The following FAHD1 variants were observed in gnomAD, a reference collection of about 807,000 sequenced individuals.
The protein encoded by FAHD1 is oxaloacetate tautomerase FAHD1, mitochondrial.
Under a neutral mutation model 12.7 loss-of-function variants are expected in FAHD1, and 14 were observed. The observed-to-expected ratio is 1.10, with a 90% CI of 0.73 to 1.72. FAHD1 has a LOEUF of 1.72. Ranked by LOEUF, FAHD1 falls within the 40% of genes most tolerant of loss-of-function variation. The pLI is 0.00. For missense variants in FAHD1, 351 were observed against 298.9 expected (o/e 1.17, Z -1.29); for synonymous variants, 153 against 124.9 (o/e 1.22, Z -1.50).
At chr16:1,836,703 G>C (rs1898757924) in intron 1 of FAHD1, among the ~76,000 whole-genome samples, 1 of 147,726 alleles carries the variant, frequency 6.8e-6, no homozygotes, top group Middle Eastern at 3.3e-3. Context: ...AGATGGAGGA[G>C]ATGCAGCATT....
chr16:1,827,781 A>C (rs1400876064), exon 1 of FAHD1: 4 of 1,614,026 alleles, frequency 2.5e-6, no homozygotes, highest in Non-Finnish European at 3.4e-6. Flanking sequence ...CCTTGGAAGA[A>C]GGAGATATTA....
chr16:1,839,671 T>G, exon 3 of FAHD1: 9 of 434,424 alleles, frequency 2.1e-5, no homozygotes, highest in Non-Finnish European at 3.3e-5. Context: ...CCTGCCCTCC[T>G]TCCCTCCCTC....
At chr16:1,834,372 AG>A in intron 1 of FAHD1, 1 of 1,473,678 alleles carries the variant, frequency 6.8e-7, no homozygotes, top group Non-Finnish European at 9.4e-7. Flanking sequence ...ACGAACTGCG[AG>A]GAGAAACAGA....
chr16:1,831,115 G>C (rs150171608), downstream of FAHD1, among the ~76,000 whole-genome samples: 559 of 152,256 alleles, frequency 3.7e-3, 7 homozygotes, highest in African/African-American at 0.013. Context: ...TTTGACATCT[G>C]TTCTTCTGTT....
chr16:1,829,474 G>C (rs1898584591), downstream of FAHD1, among the ~76,000 whole-genome samples: 1 of 152,108 alleles, frequency 6.6e-6, no homozygotes, highest in Non-Finnish European at 1.5e-5. Context: ...ATGTAACCCA[G>C]CTCCCCCAAG....
downstream of FAHD1, among the ~76,000 whole-genome samples, chr16:1,833,142 G>A (rs544923428): frequency 2.6e-5 from 4 of 152,226 alleles, no homozygotes; most frequent in South Asian, 4.1e-4. Flanking sequence ...TGGAGTCTGC[G>A]CCCTGAAGCA....
At chr16:1,838,016 A>G (rs1185014169) in exon 2 of FAHD1, 1 of 1,416,418 alleles carries the variant, frequency 7.1e-7, no homozygotes, top group East Asian at 2.5e-5. Context: ...TTGTTTGTAG[A>G]GACAGGGTCT....
chr16:1,834,074 G>A, intron 1 of FAHD1: 1 of 486,568 alleles, frequency 2.1e-6, no homozygotes, highest in Non-Finnish European at 3.6e-6. Context: ...CTTCTAAGAA[G>A]GGAGGTCAGA....
chr16:1,830,914 CT>C (rs1567269120), downstream of FAHD1, among the ~76,000 whole-genome samples: 29 of 48,194 alleles, frequency 6.0e-4, no homozygotes, highest in African/African-American at 9.5e-4. Flanking sequence ...CTCTCTCTCT[CT>C]ATACACACAC....
At chr16:1,827,929 G>A (rs1383894381) in exon 1 of FAHD1, 2 of 1,603,838 alleles carry the variant, frequency 1.2e-6, no homozygotes, top group Admixed American at 1.7e-5. Flanking sequence ...AGTTTCGAGA[G>A]AGAAGGGAGC....
downstream of FAHD1, among the ~76,000 whole-genome samples, chr16:1,833,546 T>C (rs1025169267): frequency 3.4e-5 from 5 of 149,184 alleles, no homozygotes; most frequent in African/African-American, 1.2e-4. Flanking sequence ...AAGTAGTCTT[T>C]AGAGGTACTT....
intron 1 of FAHD1, chr16:1,837,778 A>C: frequency 7.0e-7 from 1 of 1,421,362 alleles, no homozygotes; most frequent in Non-Finnish European, 9.6e-7. Context: ...TATAAAATGC[A>C]CTAACTTTTA....
intron 2 of FAHD1, among the ~76,000 whole-genome samples, chr16:1,838,367 C>T (rs541613410): frequency 1.3e-5 from 2 of 152,182 alleles, no homozygotes; most frequent in South Asian, 4.1e-4. Context: ...CAAAGGTAAT[C>T]AGGTATCTCA....
At chr16:1,833,563 T>TC (rs1567270155), downstream of FAHD1, among the ~76,000 whole-genome samples, 31 of 148,352 alleles carry the variant, frequency 2.1e-4, 3 homozygotes, top group Admixed American at 1.4e-3. Context: ...ACTTTTTTTT[T>TC]TTTTTTTTTT....
chr16:1,839,344 G>A, exon 3 of FAHD1: 3 of 1,614,198 alleles, frequency 1.9e-6, no homozygotes, highest in East Asian at 2.2e-5. Context: ...ATCAGCACAT[G>A]GAAACTGAGA....
downstream of FAHD1, among the ~76,000 whole-genome samples, chr16:1,830,945 C>CACACACACACACA (rs1555470125): frequency 1.5e-4 from 3 of 19,474 alleles, no homozygotes; most frequent in East Asian, 1.4e-3. Flanking sequence ...CACACACACA[C>CACACACACACACA]CCATATTTTG....
exon 1 of FAHD1, chr16:1,827,372 C>G (rs144580262): frequency 2.5e-6 from 4 of 1,612,660 alleles, no homozygotes; most frequent in Non-Finnish European, 3.4e-6. Context: ...TTCCTGAAGC[C>G]GTCCACGGCC....
chr16:1,833,182 G>C (rs189828101), downstream of FAHD1, among the ~76,000 whole-genome samples: 1 of 152,152 alleles, frequency 6.6e-6, no homozygotes, highest in Non-Finnish European at 1.5e-5. Context: ...CAGTTGAGCC[G>C]TTTACTTTGT....
At chr16:1,837,678 G>A (rs1241712810) in intron 1 of FAHD1, 1 of 592,592 alleles carries the variant, frequency 1.7e-6, no homozygotes, top group African/African-American at 1.9e-5. Flanking sequence ...CTGGGAACTG[G>A]GCATTAGAAA....
Sources: gnomAD v4.1 joint callset for allele counts (sites outside exome capture counted in the v4.1 genomes callset) on GRCh38, gnomAD v4.1.1 for gene constraint, MANE v1.5 for transcripts, NCBI Gene and HGNC (gene_info 2026-07-23, HGNC 2026-07-21) for gene names.